LAT2: variants seen among roughly 807,000 people sequenced by gnomAD.
The protein encoded by LAT2 is linker for activation of T-cells family member 2.
A neutral mutation model predicts 43.4 loss-of-function variants in LAT2; 23 were observed. That is an observed-to-expected ratio of 0.53 (90% CI 0.38 to 0.75). The LOEUF (loss-of-function observed/expected upper bound fraction) is 0.75. Among genes scored for constraint, LAT2 ranks in the 30% least tolerant of loss-of-function variants. The pLI is 0.00. For synonymous variants in LAT2, 128 were observed against 123.2 expected, an observed-to-expected ratio of 1.04 and a Z score of -0.26; for missense variants, 284 against 310.2, an observed-to-expected ratio of 0.92 and a Z score of 0.64.
intron 1 of LAT2, among the ~76,000 whole-genome samples, 200 bp from the exon 2 acceptor site, chr7:74,214,621 TG>T (rs66471239): frequency 1.6e-3 from 1 of 612 alleles, no homozygotes; most frequent in Admixed American, 0.028. Flanking sequence ...AATATATATA[TG>T]AATATATATA....
chr7:74,223,598 G>A (rs1030376900), intron 10 of LAT2, 126 bp from the exon 11 acceptor site: 3 of 844,482 alleles, frequency 3.6e-6, no homozygotes, highest in Admixed American at 2.0e-5. Context: ...GGTCCCGGGG[G>A]ACCCAGAGGG....
chr7:74,228,165 TAAAAAAAA>T (rs34339569), intron 13 of LAT2, among the ~76,000 whole-genome samples: 27 of 22,424 alleles, frequency 1.2e-3, no homozygotes, highest in African/African-American at 8.1e-4. Context: ...AACTACGTCT[TAAAAAAAA>T]AAAAAAAAAA....
intron 1 of LAT2, among the ~76,000 whole-genome samples, chr7:74,214,153 T>TATATATGAAA: frequency 1.6e-5 from 1 of 63,330 alleles, no homozygotes; most frequent in East Asian, 3.3e-4. Context: ...TATATATAAA[T>TATATATGAAA]ATATATATGA....
At chr7:74,212,042 C>T (rs1801752419) in intron 1 of LAT2, among the ~76,000 whole-genome samples, 1 of 152,080 alleles carries the variant, frequency 6.6e-6, no homozygotes, top group Non-Finnish European at 1.5e-5. Flanking sequence ...CTCCTGGGCT[C>T]AAGCAATTCT....
intron 9 of LAT2, 121 bp from the exon 10 acceptor site, chr7:74,221,513 ACCC>A (rs1802278456): frequency 3.6e-6 from 2 of 554,744 alleles, no homozygotes; most frequent in Non-Finnish European, 6.3e-6. Context: ...ATCCTGGCAG[ACCC>A]CCATGGCCCC....
chr7:74,223,909 A>C, intron 11 of LAT2, 109 bp from the exon 12 acceptor site: 2 of 1,477,414 alleles, frequency 1.4e-6, no homozygotes, highest in Non-Finnish European at 1.9e-6. Context: ...TCGGATCCCC[A>C]GGTACCTTTC....
At chr7:74,219,879 G>T (rs1406048382) in intron 5 of LAT2, 81 bp from the exon 6 acceptor site, 4 of 1,611,860 alleles carry the variant, frequency 2.5e-6, no homozygotes, top group Non-Finnish European at 3.4e-6. Context: ...CCGTGGCCAG[G>T]CCTGATGTGG....
chr7:74,229,475 T>TG lies in LAT2; in HGVS notation c.*554dup. On this transcript the variant is annotated 3_prime_UTR_variant, in exon 14 of 14. Transcript: ENST00000460943. ...AGTTTATTTCAGCATCCTTGTTGGG[T>TG]GGGGCCCTGGCTCTCTTCCCCTTTG... 1 of 152,830 alleles carries TG rather than the reference T, an allele frequency of 6.5e-6. No individual in the cohort carries two copies. The highest frequency in any genetic ancestry group is 2.1e-4 in the South Asian group (1 of 4,830). 9.5% of individuals were successfully genotyped at this position (152,830 alleles called of 1,614,324 possible).
At chr7:74,210,651 A>G (rs1554713012) in intron 1 of LAT2, among the ~76,000 whole-genome samples, 1 of 152,062 alleles carries the variant, frequency 6.6e-6, no homozygotes, top group Non-Finnish European at 1.5e-5. Context: ...AGTTATTTGG[A>G]AAAAGCAACA....
intron 1 of LAT2, among the ~76,000 whole-genome samples, chr7:74,214,101 A>AAAAT (rs1801846877): frequency 3.4e-5 from 3 of 89,490 alleles, no homozygotes; most frequent in African/African-American, 1.7e-4. Flanking sequence ...AATATATATA[A>AAAAT]ATATATATAT....
chr7:74,219,508 C>T (rs1186824784), intron 4 of LAT2, among the ~76,000 whole-genome samples: 2 of 152,212 alleles, frequency 1.3e-5, no homozygotes, highest in African/African-American at 4.8e-5. Flanking sequence ...GAGCCGGGCT[C>T]CAGCCCAGGG....
Position 74,214,253 on chromosome 7 carries a change from A to AAT in LAT2, c.-218-558_-218-557dup, listed in dbSNP as rs545297053. Among the ~76,000 whole-genome samples the AAT allele has an allele frequency of 5.9e-4, 36 of 60,896 alleles. 2 individuals carry two copies. The highest frequency in any genetic ancestry group is 2.5e-3 in the African/African-American group (35 of 14,080). The allele number at this position is 60,896 out of a possible 152,430, so 40.0% of individuals were successfully genotyped here. A position where few individuals can be genotyped will look rare whatever the true frequency, so the allele number is the denominator to read the frequency against. On this transcript the variant is annotated intron_variant, in intron 1 of 13. Coordinates refer to ENST00000460943, the MANE Select transcript of LAT2 (RefSeq NM_032464.3). ...AAATATATATGAAAATATATATATA[A>AAT]ATATATATATATGAAAATATATATA...
chr7:74,211,705 C>T (rs1030065830), intron 1 of LAT2, among the ~76,000 whole-genome samples: 24 of 152,214 alleles, frequency 1.6e-4, no homozygotes, highest in African/African-American at 5.8e-4. Context: ...GATCTGCCTG[C>T]CTCGGCCTCC....
In LAT2 at chr7:74,227,986, G is replaced by A. The variant is rs1437879499; in HGVS notation, c.*19-958G>A. ...AGGTCAGGAGTTCGAGACCATCCTGGGCAACATGGGGAAACCCCATCTCTA... is the reference window on the plus strand; with the variant it reads ...AGGTCAGGAGTTCGAGACCATCCTGAGCAACATGGGGAAACCCCATCTCTA... On this transcript the variant is annotated intron_variant, in intron 13 of 13. Transcript: ENST00000460943. 2.0e-5 allele frequency among the ~76,000 whole-genome samples: 3 copies of A among 149,172 alleles called. No individual in the cohort carries two copies. The Admixed American group carries it at 2.0e-4, about 10-fold the overall frequency.
intron 4 of LAT2, among the ~76,000 whole-genome samples, chr7:74,218,501 C>T (rs943185385): frequency 3.3e-5 from 5 of 152,190 alleles, no homozygotes; most frequent in Middle Eastern, 3.4e-3. Flanking sequence ...GCTGGGGTGC[C>T]GGCCCTCATC....
intron 10 of LAT2, among the ~76,000 whole-genome samples, chr7:74,223,203 G>C (rs1339046875): frequency 6.6e-6 from 1 of 151,826 alleles, no homozygotes; most frequent in Non-Finnish European, 1.5e-5. Context: ...TGCATATGGA[G>C]GGGATCTCAG....
In LAT2 at chr7:74,220,570, G is replaced by C. The variant is rs782591987; in HGVS notation, c.266-14G>C. ...GGCCAGGGGAGAAAGCAATTAGCTG[G>C]GTCTTTCTTCCAGATCCAGCATCTT... is the stretch of plus-strand genomic sequence containing the variant. On this transcript the variant is annotated splice_polypyrimidine_tract_variant and intron_variant, in intron 7 of 13. Transcript: ENST00000460943. This position sits in a 1 kb window ranked among gnomAD's most constrained non-coding sequence, Gnocchi z 4.5. The C allele has an allele frequency of 3.7e-6, 6 of 1,613,998 alleles. No homozygotes were observed. The South Asian group carries it at 6.6e-5, about 18-fold the overall frequency.
chr7:74,213,673 T>G (rs563157910), intron 1 of LAT2, among the ~76,000 whole-genome samples: 50 of 152,274 alleles, frequency 3.3e-4, no homozygotes, highest in Admixed American at 7.2e-4. Flanking sequence ...TCTGCCCGCC[T>G]TGGCCTCCCA....
At chr7:74,216,734 G>C in intron 3 of LAT2, 91 bp from the exon 4 acceptor site, 1 of 1,089,396 alleles carries the variant, frequency 9.2e-7, no homozygotes, top group Non-Finnish European at 1.4e-6. Flanking sequence ...TCCTGTCTGA[G>C]TCCTGCTGGA....
Sources: allele counts gnomAD v4.1 joint callset (sites outside exome capture counted in the v4.1 genomes callset), GRCh38; gene constraint gnomAD v4.1.1; non-coding constraint Gnocchi (gnomAD v3.1); transcripts MANE v1.5; gene names NCBI Gene and HGNC (gene_info 2026-07-23, HGNC 2026-07-21).